The following SLCO1A2 variants were observed in gnomAD, a reference collection of about 807,000 sequenced individuals.
The protein encoded by SLCO1A2 is OATP-1.
In SLCO1A2, 67 loss-of-function variants were observed where a neutral mutation model predicts 69.0. The ratio of observed to expected loss-of-function variants is 0.97; its 90% confidence interval spans 0.80 to 1.19. SLCO1A2 has a LOEUF of 1.19. Among genes scored for constraint, SLCO1A2 ranks in the 50% most tolerant of loss-of-function variants. The pLI, the probability that SLCO1A2 is intolerant of heterozygous loss-of-function variation, is 0.00. For synonymous variants in SLCO1A2, 260 were observed against 265.9 expected (o/e 0.98, Z 0.22); for missense variants, 787 against 793.7 (o/e 0.99, Z 0.10).
At chr12:21,323,463 G>T (rs139648475) in intron 2 of SLCO1A2, among the ~76,000 whole-genome samples, 92 of 152,250 alleles carry the variant, frequency 6.0e-4, no homozygotes, top group African/African-American at 2.2e-3. Flanking sequence ...TACCTGGGAG[G>T]CTGAGGTGTG....
chr12:21,379,379 T>A (rs1200902766), intron 1 of SLCO1A2: 1 of 152,230 alleles, frequency 6.6e-6, no homozygotes, highest in African/African-American at 2.4e-5. Context: ...TTATTTTGTT[T>A]AAGTGGCTTT....
chr12:21,346,608 C>G lies in SLCO1A2; in HGVS notation c.-62-11899G>C, dbSNP rs767139855. On this transcript the variant is annotated intron_variant, in intron 2 of 15. Coordinates refer to the SLCO1A2 transcript ENST00000307378. Reference sequence around the variant, plus strand: ...AAAGCCCCTGGCATAGCCACCTTCCCAGCAATGATAAGTACCAAGTTACAG... The same window carrying G: ...AAAGCCCCTGGCATAGCCACCTTCCGAGCAATGATAAGTACCAAGTTACAG... Among the ~76,000 whole-genome samples the G allele has an allele frequency of 2.0e-5, 3 of 152,104 alleles. No individual in the cohort carries two copies. The East Asian group carries it at 5.8e-4, about 29-fold the overall frequency.
chr12:21,301,566 T>G (rs1016465572), intron 6 of SLCO1A2, among the ~76,000 whole-genome samples: 2 of 152,190 alleles, frequency 1.3e-5, no homozygotes, highest in Admixed American at 6.6e-5. Flanking sequence ...GATCATGCCA[T>G]TGACTAGGTC....
chr12:21,393,284 G>A (rs1565529013), intron 1 of SLCO1A2, among the ~76,000 whole-genome samples: 1 of 152,060 alleles, frequency 6.6e-6, no homozygotes, highest in Non-Finnish European at 1.5e-5. Flanking sequence ...ACACTGCACA[G>A]TGATTTTCAT....
chr12:21,276,547 AAAAAAAACC>A lies in SLCO1A2; in HGVS notation c.1611-1132_1611-1124del, dbSNP rs1256132735. On this transcript the variant is annotated intron_variant, in intron 12 of 14. Coordinates refer to ENST00000683939, the MANE Select transcript of SLCO1A2 (RefSeq NM_001386879.1). ...CAAATTTAACAACTATCTACATACAAAAAAAAACCAAAAAAAACCTTTGTAAGAATGAAA... is the reference window on the plus strand; with the variant it reads ...CAAATTTAACAACTATCTACATACAAAAAAAAAACCTTTGTAAGAATGAAA... Among the ~76,000 whole-genome samples, 2 of 151,714 alleles carry A rather than the reference AAAAAAAACC, an allele frequency of 1.3e-5. 1 individual carries two copies. Among genetic ancestry groups the A allele is most frequent in the African/African-American group, 4.8e-5 (2 of 41,270 alleles).
rs1165436219 is a variant in SLCO1A2, at chr12:21,304,572, C to T, written c.444G>A (p.Glu148=). The T allele has an allele frequency of 8.2e-6, 13 of 1,579,302 alleles. No homozygotes were observed. The highest frequency in any genetic ancestry group is 1.1e-5 in the Non-Finnish European group (13 of 1,170,542). The change falls in exon 6 of 15, where the codon GAG becomes GAA. Residue 148 remains glutamate (E), a splice_region_variant and synonymous_variant. Coordinates refer to ENST00000683939, the MANE Select transcript of SLCO1A2 (RefSeq NM_001386879.1). ...TTAATGATTTAACTTCCTTTGTACA[C>T]TCTGCATTAAAAAAAAAAGACATGA... ...QILRPTQDPS[E]CTKEVKSLMW... is the part of the protein sequence containing the mutation.
At chr12:21,388,593 T>C (rs1941004683) in intron 1 of SLCO1A2, among the ~76,000 whole-genome samples, 1 of 152,166 alleles carries the variant, frequency 6.6e-6, no homozygotes, top group Non-Finnish European at 1.5e-5. Flanking sequence ...AATCTCTCTT[T>C]ATTTATAAAT....
intron 8 of SLCO1A2, among the ~76,000 whole-genome samples, chr12:21,297,780 A>T (rs970721308): frequency 1.4e-4 from 22 of 152,190 alleles, no homozygotes; most frequent in African/African-American, 5.1e-4. Flanking sequence ...CTGGGTAGGG[A>T]TCAGAACACA....
chr12:21,378,575 T>C (rs1487346783), intron 1 of SLCO1A2: 1 of 639,334 alleles, frequency 1.6e-6, no homozygotes, highest in Admixed American at 2.6e-5. Flanking sequence ...GATTGTTTTA[T>C]ATGTAGTACT....
intron 2 of SLCO1A2, among the ~76,000 whole-genome samples, chr12:21,348,611 C>A (rs1173768707): frequency 2.0e-5 from 3 of 152,126 alleles, no homozygotes; most frequent in Non-Finnish European, 4.4e-5. Context: ...AAAAAGGGTT[C>A]TCTTCCCTTG....
intron 4 of SLCO1A2, among the ~76,000 whole-genome samples, chr12:21,309,217 A>G (rs1949805124): frequency 6.6e-6 from 1 of 152,218 alleles, no homozygotes; most frequent in African/African-American, 2.4e-5. Flanking sequence ...AGGTTAATAC[A>G]GGATGTCCAA....
chr12:21,386,210 G>A lies in SLCO1A2; in HGVS notation c.-190+8696C>T, dbSNP rs1940870406. ...TTGGAATCAGGCAGACCTTTGTTAG[G>A]ATACTTTTTTAAAACTTTGAATACA... On this transcript the variant is annotated intron_variant, in intron 1 of 15. Coordinates refer to the SLCO1A2 transcript ENST00000307378. Among the ~76,000 whole-genome samples, 5 of 152,060 alleles carry A rather than the reference G, an allele frequency of 3.3e-5. 1 individual carries two copies. The South Asian group carries it at 1.0e-3, about 32-fold the overall frequency.
At chr12:21,410,041 T>C (rs1383935676) in intron 1 of SLCO1A2, among the ~76,000 whole-genome samples, 1 of 152,224 alleles carries the variant, frequency 6.6e-6, no homozygotes, top group Non-Finnish European at 1.5e-5. Context: ...GAATTAATCA[T>C]AATCCTTGGA....
intron 2 of SLCO1A2, among the ~76,000 whole-genome samples, chr12:21,331,728 C>G (rs1284978131): frequency 6.6e-6 from 1 of 152,056 alleles, no homozygotes; most frequent in Non-Finnish European, 1.5e-5. Flanking sequence ...ACTTGCCTTC[C>G]CTGTTGGAAA....
intron 2 of SLCO1A2, among the ~76,000 whole-genome samples, chr12:21,323,974 C>T (rs112550107): frequency 7.7e-4 from 117 of 152,238 alleles, no homozygotes; most frequent in African/African-American, 2.5e-3. Flanking sequence ...ACAGATCGGG[C>T]TCAGTGGGAT....
chr12:21,376,604 G>C (rs942834762), intron 1 of SLCO1A2, among the ~76,000 whole-genome samples: 12 of 151,946 alleles, frequency 7.9e-5, no homozygotes, highest in African/African-American at 2.9e-4. Flanking sequence ...CAAGTATCCA[G>C]TTCACCTAAT....
At chr12:21,351,205 G>A (rs528663019) in intron 2 of SLCO1A2, among the ~76,000 whole-genome samples, 1 of 152,254 alleles carries the variant, frequency 6.6e-6, no homozygotes, top group Admixed American at 6.5e-5. Flanking sequence ...AGACAAATAC[G>A]TGACATGGCA....
At chr12:21,417,053 T>G (rs148978903) in intron 1 of SLCO1A2, among the ~76,000 whole-genome samples, 24 of 152,278 alleles carry the variant, frequency 1.6e-4, no homozygotes, top group African/African-American at 5.5e-4. Context: ...GCTCCATGAA[T>G]GCAGTAAGTA....
rs1210325756 is a variant in SLCO1A2 at position 21,268,539 on chromosome 12, C to T, written c.*1009G>A. 6.6e-6 allele frequency: 1 copy of T among 152,080 alleles called. No individual in the cohort carries two copies. The highest frequency in any genetic ancestry group is 1.5e-5 in the Non-Finnish European group (1 of 67,994). The allele number at this position is 152,080 out of a possible 1,614,324, so 9.4% of individuals were successfully genotyped here. ...GTCCTCTTCTATGTCTAAAATCCTTCAATTTTTAATTTTATCCATAATTTA... is the reference window on the plus strand; with the variant it reads ...GTCCTCTTCTATGTCTAAAATCCTTTAATTTTTAATTTTATCCATAATTTA... On this transcript the variant is annotated 3_prime_UTR_variant, in exon 15 of 15. Coordinates refer to ENST00000683939, the MANE Select transcript of SLCO1A2 (RefSeq NM_001386879.1).
Sources: allele counts gnomAD v4.1 joint callset (sites outside exome capture counted in the v4.1 genomes callset), GRCh38; gene constraint gnomAD v4.1.1; transcripts MANE v1.5; gene names NCBI Gene and HGNC (gene_info 2026-07-23, HGNC 2026-07-21).